Variants in ABCB1 observed in about 807,000 individuals in gnomAD.
ABCB1 encodes the protein ATP-dependent translocase ABCB1.
In ABCB1, 69 loss-of-function variants were observed where a neutral mutation model predicts 142.0. The ratio of observed to expected loss-of-function variants is 0.49; its 90% CI spans 0.40 to 0.59. ABCB1 has a LOEUF of 0.59. Among genes scored for constraint, ABCB1 ranks in the 20% least tolerant of loss-of-function variants. The probability of loss-of-function intolerance (pLI) is 0.00; values close to 1 mark genes in which losing one functional copy is unlikely to be tolerated. For missense variants in ABCB1, 1,326 were observed against 1,554.7 expected, an observed-to-expected ratio of 0.85 and a Z score of 2.47; for synonymous variants, 532 against 539.2, an observed-to-expected ratio of 0.99 and a Z score of 0.18.
intron 5 of ABCB1, 94 bp downstream of exon 5, chr7:87,570,077 TA>T: frequency 8.7e-7 from 1 of 1,145,470 alleles, no homozygotes; most frequent in African/African-American, 1.5e-5. Context: ...TTGTTCTCCT[TA>T]AAATTTCTGT....
At chr7:87,570,136 A>G in intron 5 of ABCB1, 36 bp downstream of exon 5, 1 of 1,588,142 alleles carries the variant, frequency 6.3e-7, no homozygotes, top group South Asian at 1.1e-5. Flanking sequence ...ATGAATATAG[A>G]AAAACTTAAC....
intron 1 of ABCB1, among the ~76,000 whole-genome samples, chr7:87,704,033 G>A (rs1829376914): frequency 6.8e-6 from 1 of 146,326 alleles, no homozygotes; most frequent in African/African-American, 2.5e-5. Context: ...CAATTCTCCT[G>A]CCTCAACCTC....
intron 1 of ABCB1, among the ~76,000 whole-genome samples, chr7:87,621,965 A>T (rs1488147988): frequency 6.6e-6 from 1 of 152,152 alleles, no homozygotes. Context: ...TCATTGGAAC[A>T]ATGAAGTTAT....
chr7:87,542,491 A>G (rs1169110754), intron 17 of ABCB1, among the ~76,000 whole-genome samples: 1 of 152,218 alleles, frequency 6.6e-6, no homozygotes, highest in Non-Finnish European at 1.5e-5. Context: ...AGAGCCCACT[A>G]TCTTCAATGA....
intron 7 of ABCB1, among the ~76,000 whole-genome samples, chr7:87,562,710 T>C (rs907712366): frequency 6.6e-6 from 1 of 150,892 alleles, no homozygotes; most frequent in African/African-American, 2.4e-5. Context: ...GACAAAAGTA[T>C]GGTTGAATCT....
upstream of ABCB1, among the ~76,000 whole-genome samples, chr7:87,605,283 A>C (rs1190904423): frequency 6.6e-6 from 1 of 152,096 alleles, no homozygotes; most frequent in Non-Finnish European, 1.5e-5. Flanking sequence ...ATGGGAGTGC[A>C]CCAGCACACC....
At position 87,549,845 on chromosome 7, in the gene ABCB1, A is replaced by G; in HGVS notation, c.1554+6T>C. 6.2e-7 allele frequency: 1 copy of G among 1,614,166 alleles called. No homozygotes were observed. The highest frequency in any genetic ancestry group is 8.5e-7 in the Non-Finnish European group (1 of 1,179,998). On this transcript the variant is annotated splice_donor_region_variant and intron_variant, in intron 13 of 27. Transcript: ENST00000622132. ...TCTAGAAAGGCAAAGGGCAAGGACA[A>G]CTTACATGAGGCAGTTTCATGATAA...
At chr7:87,543,085 G>C (rs939124275) in intron 17 of ABCB1, among the ~76,000 whole-genome samples, 2 of 152,098 alleles carry the variant, frequency 1.3e-5, no homozygotes, top group African/African-American at 4.8e-5. Context: ...CTTGAGGTTA[G>C]GAGTTCAAGA....
chr7:87,602,305 T>C (rs1224467634), upstream of ABCB1, among the ~76,000 whole-genome samples: 1 of 149,816 alleles, frequency 6.7e-6, no homozygotes, highest in Non-Finnish European at 1.5e-5. Context: ...TTTTTTTTTT[T>C]TTTTTTTTTT....
chr7:87,582,512 C>T (rs73200317), intron 4 of ABCB1, among the ~76,000 whole-genome samples: 5,708 of 152,274 alleles, frequency 0.037, 155 homozygotes, highest in Non-Finnish European at 0.059. Context: ...ACACAGAATG[C>T]TCTAATACAA....
chr7:87,633,059 A>G (rs1437211931), intron 1 of ABCB1, among the ~76,000 whole-genome samples: 1 of 152,218 alleles, frequency 6.6e-6, no homozygotes, highest in Non-Finnish European at 1.5e-5. Context: ...TCTATAGGTC[A>G]TGATATTATT....
At chr7:87,538,284 C>T (rs775081310) in intron 19 of ABCB1, among the ~76,000 whole-genome samples, 1 of 152,160 alleles carries the variant, frequency 6.6e-6, no homozygotes, top group Non-Finnish European at 1.5e-5. Flanking sequence ...AAATACAGTT[C>T]GACCTGACAG....
intron 1 of ABCB1, among the ~76,000 whole-genome samples, chr7:87,611,088 G>A (rs972805779): frequency 1.3e-5 from 2 of 152,180 alleles, no homozygotes; most frequent in Admixed American, 1.3e-4. Context: ...CAAAGTATTT[G>A]TAAAATCTAC....
chr7:87,666,957 C>A (rs1825316216), intron 1 of ABCB1, among the ~76,000 whole-genome samples: 2 of 151,792 alleles, frequency 1.3e-5, no homozygotes, highest in Non-Finnish European at 2.9e-5. Flanking sequence ...CTTAGGATTG[C>A]TTCTGGTTAT....
intron 8 of ABCB1, 70 bp downstream of exon 8, chr7:87,561,193 C>T (rs1817549160): frequency 1.3e-6 from 2 of 1,571,128 alleles, no homozygotes; most frequent in Non-Finnish European, 1.7e-6. Context: ...ATAAATAACA[C>T]TGTCAATCTG....
In ABCB1 at chr7:87,585,565, A is replaced by T. The variant is rs202150907; in HGVS notation, c.233T>A (p.Ile78Asn). ...TTCTAAATTTCCTGCATTTGCAAAGATATCTGTCATTTCTCCAAACACCAG... is the reference window on the plus strand; with the variant it reads ...TTCTAAATTTCCTGCATTTGCAAAGTTATCTGTCATTTCTCCAAACACCAG... ...MMLVFGEMTDIFANAGNLEDL... is the reference protein window; with the variant it reads ...MMLVFGEMTDNFANAGNLEDL... Residue 78 changes from isoleucine to asparagine, a missense_variant, in exon 4 of 28, where the codon ATC becomes AAC. Ile to Asn is a moderately radical substitution (Grantham distance 149). Coordinates refer to ENST00000622132, the MANE Select transcript of ABCB1 (RefSeq NM_001348946.2). 2 of 1,613,882 alleles carry T rather than the reference A, an allele frequency of 1.2e-6. No homozygotes were observed. Among genetic ancestry groups the T allele is most frequent in the Non-Finnish European group, 1.7e-6 (2 of 1,179,898 alleles).
chr7:87,581,489 C>T (rs1818504076), intron 4 of ABCB1, among the ~76,000 whole-genome samples: 1 of 151,930 alleles, frequency 6.6e-6, no homozygotes, highest in African/African-American at 2.4e-5. Flanking sequence ...AGTGATATGA[C>T]AGAATCAGAG....
At chr7:87,653,833 G>T (rs1258824013) in intron 1 of ABCB1, among the ~76,000 whole-genome samples, 1 of 151,820 alleles carries the variant, frequency 6.6e-6, no homozygotes, top group Non-Finnish European at 1.5e-5. Context: ...TGTTAGTATT[G>T]CTCTTAAAAA....
intron 1 of ABCB1, among the ~76,000 whole-genome samples, chr7:87,705,545 A>G (rs1333505060): frequency 1.3e-5 from 2 of 152,256 alleles, no homozygotes; most frequent in African/African-American, 2.4e-5. Context: ...ATAGAATAAA[A>G]TATTTGAGTT....
Sources: allele counts gnomAD v4.1 joint callset (sites outside exome capture counted in the v4.1 genomes callset), GRCh38; gene constraint gnomAD v4.1.1; transcripts MANE v1.5; gene names NCBI Gene and HGNC (gene_info 2026-07-23, HGNC 2026-07-21).